FTO: variants seen among roughly 807,000 people sequenced by gnomAD.
FTO encodes alpha-ketoglutarate-dependent dioxygenase FTO.
A neutral mutation model predicts 63.9 loss-of-function variants in FTO; 47 were observed. The observed-to-expected ratio is 0.74, with a 90% CI of 0.58 to 0.94. The LOEUF is 0.94. Ranked by LOEUF, FTO falls within the 40% of genes least tolerant of loss-of-function variation. FTO has a pLI of 0.00. For synonymous variants in FTO, 207 were observed against 224.4 expected (o/e 0.92, Z 0.69); for missense variants, 562 against 618.1 (o/e 0.91, Z 0.96).
chr16:53,758,274 C>T (rs982899646), intron 1 of FTO, among the ~76,000 whole-genome samples: 5 of 152,162 alleles, frequency 3.3e-5, no homozygotes, highest in East Asian at 1.9e-4. Context: ...AGAAGCAGGA[C>T]ATCTAGATTT....
intron 4 of FTO, among the ~76,000 whole-genome samples, chr16:53,872,019 G>T (rs1265469963): frequency 6.6e-6 from 1 of 152,126 alleles, no homozygotes; most frequent in Admixed American, 6.6e-5. Flanking sequence ...GAGCCACTGT[G>T]CCTGGCCAGA....
chr16:54,006,150 A>G (rs2084197919), intron 8 of FTO, among the ~76,000 whole-genome samples: 1 of 152,204 alleles, frequency 6.6e-6, no homozygotes, highest in South Asian at 2.1e-4. Context: ...GAAAATTCCA[A>G]TTAACAGAGA....
intron 1 of FTO, among the ~76,000 whole-genome samples, chr16:53,737,091 G>A (rs1460236336): frequency 6.6e-6 from 1 of 152,182 alleles, no homozygotes; most frequent in Non-Finnish European, 1.5e-5. Context: ...AACCCTGTGT[G>A]CGCCTGTTTC....
intron 4 of FTO, among the ~76,000 whole-genome samples, chr16:53,861,661 C>T (rs532188650): frequency 6.6e-6 from 1 of 152,162 alleles, no homozygotes; most frequent in South Asian, 2.1e-4. Flanking sequence ...AACATCTTTC[C>T]ATTTAAGTCT....
At chr16:54,018,397 GATAGATAGATAGATAC>G (rs1239748783) in intron 8 of FTO, among the ~76,000 whole-genome samples, 7 of 105,986 alleles carry the variant, frequency 6.6e-5, no homozygotes, top group Non-Finnish European at 9.2e-5. Context: ...TAGATAGATA[GATAGATAGATAGATAC>G]ATACATACAT....
intron 1 of FTO, among the ~76,000 whole-genome samples, chr16:53,785,504 A>T (rs1200116725): frequency 6.6e-6 from 1 of 152,138 alleles, no homozygotes; most frequent in Non-Finnish European, 1.5e-5. Flanking sequence ...TGAATTGATG[A>T]GAAAGAGAAA....
chr16:53,753,099 A>G (rs923044321), intron 1 of FTO, among the ~76,000 whole-genome samples: 1 of 151,864 alleles, frequency 6.6e-6, no homozygotes, highest in Non-Finnish European at 1.5e-5. Context: ...TGTCTCTACA[A>G]AATATTTGCT....
At chr16:53,715,902 C>A (rs550658063) in intron 1 of FTO, among the ~76,000 whole-genome samples, 5 of 152,234 alleles carry the variant, frequency 3.3e-5, no homozygotes, top group African/African-American at 1.2e-4. Flanking sequence ...TTAGTGTACC[C>A]TTTGTGTACC....
intron 2 of FTO, among the ~76,000 whole-genome samples, chr16:53,813,276 A>G (rs968464325): frequency 2.6e-5 from 4 of 151,806 alleles, no homozygotes; most frequent in Non-Finnish European, 4.4e-5. Context: ...CAGTGGTGCA[A>G]TATCAGCTCA....
At chr16:53,893,144 C>T (rs1418070530) in intron 7 of FTO, among the ~76,000 whole-genome samples, 2 of 152,086 alleles carry the variant, frequency 1.3e-5, no homozygotes, top group Non-Finnish European at 2.9e-5. Context: ...CTGAATATTA[C>T]CTCATGAATT....
chr16:53,759,087 C>T (rs988536832), intron 1 of FTO, among the ~76,000 whole-genome samples: 1 of 152,010 alleles, frequency 6.6e-6, no homozygotes, highest in Non-Finnish European at 1.5e-5. Flanking sequence ...GTAATGGGCG[C>T]ATAGGGGTTC....
At chr16:53,936,896 G>C (rs1271389552) in intron 8 of FTO, among the ~76,000 whole-genome samples, 2 of 152,120 alleles carry the variant, frequency 1.3e-5, no homozygotes, top group African/African-American at 2.4e-5. Context: ...TTGTAATAAA[G>C]GTTTTTACCT....
intron 8 of FTO, among the ~76,000 whole-genome samples, chr16:53,987,627 T>TC (rs1158259902): frequency 6.7e-6 from 1 of 150,322 alleles, no homozygotes; most frequent in African/African-American, 2.4e-5. Flanking sequence ...CAGTATGGCT[T>TC]CCCCCCATTC....
intron 8 of FTO, among the ~76,000 whole-genome samples, chr16:54,058,493 C>T (rs1196982494): frequency 6.6e-6 from 1 of 152,134 alleles, no homozygotes; most frequent in African/African-American, 2.4e-5. Flanking sequence ...CAGAGTGGGG[C>T]TCAGGAAGAA....
chr16:53,843,832 T>C (rs1420856564), intron 3 of FTO, among the ~76,000 whole-genome samples: 10 of 147,050 alleles, frequency 6.8e-5, no homozygotes, highest in East Asian at 5.8e-4. Context: ...TTTTTTTTAA[T>C]AGAGATGGGG....
At chr16:53,843,591 A>T (rs1249903182) in intron 3 of FTO, among the ~76,000 whole-genome samples, 4 of 152,172 alleles carry the variant, frequency 2.6e-5, no homozygotes, top group African/African-American at 9.7e-5. Flanking sequence ...TATTTAGAAA[A>T]ACATTCCTTG....
In FTO at chr16:54,016,577, C is replaced by T. The variant is rs2084454031; in HGVS notation, c.1364+82468C>T. ...ATTGTAGCACAAGTTGTTTAATGTT[C>T]TCTAAAAAGCATTCCCCACAAATAG... On this transcript the variant is annotated intron_variant, in intron 8 of 8. Transcript: ENST00000471389. 3.3e-5 allele frequency among the ~76,000 whole-genome samples: 5 copies of T among 152,194 alleles called. No individual in the cohort carries two copies. In the South Asian group the frequency reaches 1.0e-3, roughly 31 times the overall value.
chr16:53,999,611 T>C (rs1250737169), intron 8 of FTO: 1 of 152,202 alleles, frequency 6.6e-6, no homozygotes, highest in African/African-American at 2.4e-5. Context: ...CCCTGAACAG[T>C]TATTAAAGAC....
chr16:53,941,282 A>G (rs1200288782), intron 8 of FTO, among the ~76,000 whole-genome samples: 2 of 152,202 alleles, frequency 1.3e-5, no homozygotes, highest in Non-Finnish European at 2.9e-5. Context: ...ACTGTGGAAT[A>G]ATTTACTTTA....
Sources: allele counts gnomAD v4.1 joint callset (sites outside exome capture counted in the v4.1 genomes callset), GRCh38; gene constraint gnomAD v4.1.1; transcripts MANE v1.5; gene names NCBI Gene and HGNC (gene_info 2026-07-23, HGNC 2026-07-21).